ANO4: variants seen among roughly 807,000 people sequenced by gnomAD.
ANO4 encodes anoctamin-4.
Under a neutral mutation model 141.9 loss-of-function variants are expected in ANO4, and 69 were observed. The ratio of observed to expected loss-of-function variants is 0.49; its 90% CI spans 0.40 to 0.59. The LOEUF (loss-of-function observed/expected upper bound fraction) is 0.59, where lower values mean the gene tolerates loss of function less well. ANO4 is among the 20% of genes least tolerant of loss of function. ANO4 has a pLI of 0.00. For synonymous variants in ANO4, 350 were observed against 394.3 expected (o/e 0.89, Z 1.33); for missense variants, 894 against 1,162.2 (o/e 0.77, Z 3.36).
chr12:101,015,771 G>A (rs980201707), intron 8 of ANO4, among the ~76,000 whole-genome samples: 4 of 152,142 alleles, frequency 2.6e-5, no homozygotes, highest in African/African-American at 9.7e-5. Flanking sequence ...ACAAGCCAAT[G>A]TGAAGCCCTG....
chr12:100,819,484 C>T (rs566689332), intron 1 of ANO4, among the ~76,000 whole-genome samples: 54 of 151,980 alleles, frequency 3.6e-4, no homozygotes, highest in African/African-American at 1.3e-3. Context: ...AAGTAAGATT[C>T]ATCAGTGGTA....
rs573767289 is a variant in ANO4 at position 101,083,354 on chromosome 12, G to A, written c.1396-324G>A. On this transcript the variant is annotated intron_variant, in intron 15 of 27. Transcript: ENST00000392977. ...CTTATTAGTTGTTCCAAACCATTAG[G>A]ACAGGACAGCTTGTCCCTTTTAAAA... 7.2e-5 allele frequency among the ~76,000 whole-genome samples: 11 copies of A among 152,298 alleles called. No homozygotes were observed. The South Asian group carries it at 2.3e-3, about 32-fold the overall frequency.
At chr12:100,957,985 G>A (rs1423986118) in intron 5 of ANO4, among the ~76,000 whole-genome samples, 1 of 152,166 alleles carries the variant, frequency 6.6e-6, no homozygotes, top group African/African-American at 2.4e-5. Flanking sequence ...CAGAATTACA[G>A]GCATGAGCCA....
chr12:100,755,557 G>C (rs1051027775), intron 3 of ANO4, among the ~76,000 whole-genome samples: 3 of 152,168 alleles, frequency 2.0e-5, no homozygotes, highest in African/African-American at 7.2e-5. Flanking sequence ...GATTATTTAA[G>C]TCTAGGTTCT....
chr12:101,010,601 A>T (rs565142887), intron 8 of ANO4, among the ~76,000 whole-genome samples: 1 of 152,298 alleles, frequency 6.6e-6, no homozygotes, highest in Admixed American at 6.5e-5. Flanking sequence ...TCACATAAAA[A>T]ATTAATTGGT....
chr12:101,065,144 A>G (rs1377923135), intron 14 of ANO4, among the ~76,000 whole-genome samples: 1 of 152,228 alleles, frequency 6.6e-6, no homozygotes, highest in Non-Finnish European at 1.5e-5. Context: ...AAAAGAAAAA[A>G]TCTTACACTG....
In ANO4 at chr12:101,073,915, G is replaced by A. The variant is rs140156118; in HGVS notation, c.1313-5278G>A. Among the ~76,000 whole-genome samples the A allele has an allele frequency of 4.9e-3, 746 of 152,222 alleles. 7 individuals are homozygous for A. The highest frequency in any genetic ancestry group is 0.017 in the African/African-American group (714 of 41,540). On this transcript the variant is annotated intron_variant, in intron 14 of 27. Transcript: ENST00000392977. ...TATTTGTGGGTAGATTTTATTTGTGGATAGGTAGGTACATGGTGGAGGTGA... is the reference window on the plus strand; with the variant it reads ...TATTTGTGGGTAGATTTTATTTGTGAATAGGTAGGTACATGGTGGAGGTGA...
chr12:101,027,175 TGTGG>T (rs2046775840), intron 9 of ANO4, among the ~76,000 whole-genome samples: 1 of 152,118 alleles, frequency 6.6e-6, no homozygotes, highest in Non-Finnish European at 1.5e-5. Flanking sequence ...AGTGAGTGAG[TGTGG>T]TACCCAGCGT....
chr12:101,059,014 T>C (rs2048239483), intron 14 of ANO4, among the ~76,000 whole-genome samples: 1 of 152,206 alleles, frequency 6.6e-6, no homozygotes, highest in Admixed American at 6.5e-5. Flanking sequence ...TAAATAGCTC[T>C]TATTATATTG....
At chr12:101,060,532 C>CT (rs1408361080) in intron 14 of ANO4, among the ~76,000 whole-genome samples, 1 of 152,150 alleles carries the variant, frequency 6.6e-6, no homozygotes, top group East Asian at 1.9e-4. Flanking sequence ...TTGTAGGTCT[C>CT]TAAGAACTTG....
chr12:100,751,788 T>C (rs140759261), intron 3 of ANO4, among the ~76,000 whole-genome samples: 1 of 152,236 alleles, frequency 6.6e-6, no homozygotes, highest in African/African-American at 2.4e-5. Context: ...TAAGGAAATT[T>C]CATTAGCTCA....
chr12:100,896,767 G>A (rs2040372873), intron 1 of ANO4, among the ~76,000 whole-genome samples: 2 of 152,158 alleles, frequency 1.3e-5, no homozygotes, highest in Non-Finnish European at 2.9e-5. Context: ...CAGATGAGCA[G>A]AGGCAATGGT....
intron 14 of ANO4, among the ~76,000 whole-genome samples, chr12:101,078,428 T>C (rs1039596305): frequency 1.3e-5 from 2 of 152,212 alleles, no homozygotes; most frequent in South Asian, 2.1e-4. Flanking sequence ...TCTGTTTCTC[T>C]TTTATTGCAT....
At chr12:100,969,247 C>T (rs944533915) in intron 5 of ANO4, among the ~76,000 whole-genome samples, 1 of 152,184 alleles carries the variant, frequency 6.6e-6, no homozygotes, top group Non-Finnish European at 1.5e-5. Context: ...CCAAAAGATC[C>T]AACTATGAAT....
At chr12:100,791,924 G>A (rs1326619068), upstream of ANO4, among the ~76,000 whole-genome samples, 1 of 152,194 alleles carries the variant, frequency 6.6e-6, no homozygotes, top group Non-Finnish European at 1.5e-5. Context: ...TCAGAAGTTA[G>A]ATGGAAGAGA....
chr12:100,763,432 C>G (rs144061298), intron 3 of ANO4, among the ~76,000 whole-genome samples: 1 of 152,338 alleles, frequency 6.6e-6, no homozygotes, highest in Non-Finnish European at 1.5e-5. Flanking sequence ...ATATTTCACA[C>G]TAAAGATCAA....
intron 3 of ANO4, among the ~76,000 whole-genome samples, chr12:100,750,403 C>G (rs1391717375): frequency 6.6e-6 from 1 of 151,570 alleles, no homozygotes; most frequent in Non-Finnish European, 1.5e-5. Context: ...CTCGGCTTCT[C>G]AAAGTGCTAG....
At chr12:101,081,963 C>T in intron 15 of ANO4, among the ~76,000 whole-genome samples, 1 of 152,152 alleles carries the variant, frequency 6.6e-6, no homozygotes, top group East Asian at 1.9e-4. Context: ...AAACCTGTTT[C>T]CACATATGGT....
chr12:100,771,542 G>T (rs1423721263), intron 3 of ANO4, among the ~76,000 whole-genome samples: 1 of 152,138 alleles, frequency 6.6e-6, no homozygotes, highest in East Asian at 1.9e-4. Flanking sequence ...AGGTTTATCA[G>T]TGCAGACATG....
Sources: gnomAD v4.1 joint callset for allele counts (sites outside exome capture counted in the v4.1 genomes callset) on GRCh38, gnomAD v4.1.1 for gene constraint, MANE v1.5 for transcripts, NCBI Gene and HGNC (gene_info 2026-07-23, HGNC 2026-07-21) for gene names.